CPNE4: variants seen among roughly 807,000 people sequenced by gnomAD.
The protein encoded by CPNE4 is copine-4.
In CPNE4, 25 loss-of-function variants were observed where a neutral mutation model predicts 67.9. That is an observed-to-expected ratio of 0.37 (90% CI 0.27 to 0.51). The LOEUF (loss-of-function observed/expected upper bound fraction) is 0.51. Among genes scored for constraint, CPNE4 ranks in the 20% least tolerant of loss-of-function variants. The probability of loss-of-function intolerance (pLI) is 0.93; values close to 1 mark genes in which losing one functional copy is unlikely to be tolerated. For synonymous variants in CPNE4, 242 were observed against 244.9 expected, an observed-to-expected ratio of 0.99 and a Z score of 0.11; for missense variants, 464 against 690.8, an observed-to-expected ratio of 0.67 and a Z score of 3.68.
intron 6 of CPNE4, among the ~76,000 whole-genome samples, chr3:131,685,600 G>C (rs143084303): frequency 0.027 from 4,107 of 152,186 alleles, 82 homozygotes; most frequent in Middle Eastern, 0.041. Flanking sequence ...TGGCCAAGAT[G>C]GTGAAACCCC....
At chr3:131,940,652 A>G (rs992765194) in intron 1 of CPNE4, among the ~76,000 whole-genome samples, 2 of 152,090 alleles carry the variant, frequency 1.3e-5, no homozygotes, top group Non-Finnish European at 2.9e-5. Context: ...TGAATAAAGT[A>G]ACAGATTTGA....
chr3:131,806,567 A>AG (rs1476844602), intron 2 of CPNE4, among the ~76,000 whole-genome samples: 3 of 152,028 alleles, frequency 2.0e-5, no homozygotes, highest in Non-Finnish European at 2.9e-5. Context: ...AAAAAAAAAA[A>AG]AAGAAATAGG....
chr3:131,890,751 A>G (rs1237639218), intron 2 of CPNE4, among the ~76,000 whole-genome samples: 1 of 152,168 alleles, frequency 6.6e-6, no homozygotes, highest in Non-Finnish European at 1.5e-5. Flanking sequence ...ATACAATGAA[A>G]TATTACCTAG....
At chr3:131,989,522 C>T (rs1286767757) in intron 1 of CPNE4, among the ~76,000 whole-genome samples, 5 of 147,592 alleles carry the variant, frequency 3.4e-5, no homozygotes, top group African/African-American at 1.2e-4. Context: ...AACCAAGAGT[C>T]CTACCCTCAT....
intron 2 of CPNE4, among the ~76,000 whole-genome samples, chr3:131,772,272 T>C (rs1184813584): frequency 6.6e-6 from 1 of 152,128 alleles, no homozygotes; most frequent in Non-Finnish European, 1.5e-5. Context: ...ATAGCAGATG[T>C]TGAAAAAAAT....
intron 2 of CPNE4, among the ~76,000 whole-genome samples, chr3:131,856,723 A>G (rs776667793): frequency 2.0e-5 from 3 of 152,026 alleles, no homozygotes; most frequent in Admixed American, 6.6e-5. Flanking sequence ...AAAAATTATT[A>G]ATATTTATTG....
chr3:131,714,671 G>A (rs1331390916), intron 3 of CPNE4, among the ~76,000 whole-genome samples: 1 of 152,144 alleles, frequency 6.6e-6, no homozygotes, highest in Non-Finnish European at 1.5e-5. Flanking sequence ...CATCACCTGG[G>A]AACTTAGAAA....
rs1366246304 is a variant in CPNE4, at chr3:131,708,995, T to TATATATAC, written c.361-9016_361-9015insGTATATAT. 3.3e-3 allele frequency among the ~76,000 whole-genome samples: 363 copies of TATATATAC among 109,030 alleles called. 7 individuals carry two copies. Among genetic ancestry groups the TATATATAC allele is most frequent in the East Asian group, 0.016 (61 of 3,746 alleles). 71.5% of individuals were successfully genotyped at this position (109,030 alleles called of 152,430 possible). On this transcript the variant is annotated intron_variant, in intron 3 of 15. Transcript: ENST00000429747. ...ATATATATATATATATATATATATA[T>TATATATAC]ACATACACACATAATAATATAATAC...
intron 2 of CPNE4, among the ~76,000 whole-genome samples, chr3:131,757,800 A>C (rs2082787583): frequency 6.6e-6 from 1 of 152,108 alleles, no homozygotes. Context: ...TGTGCAGCCT[A>C]GGGAATTGGT....
chr3:131,947,584 G>T (rs1018297883), intron 1 of CPNE4, among the ~76,000 whole-genome samples: 1 of 152,168 alleles, frequency 6.6e-6, no homozygotes, highest in South Asian at 2.1e-4. Flanking sequence ...TTTTATGGCT[G>T]CATAGTATTC....
chr3:131,996,963 T>C (rs1469161629), intron 1 of CPNE4, among the ~76,000 whole-genome samples: 2 of 152,032 alleles, frequency 1.3e-5, no homozygotes, highest in East Asian at 3.9e-4. Context: ...TGGACAACAC[T>C]GAGAACTCTT....
chr3:132,022,159 T>C (rs1010293531), intron 1 of CPNE4, among the ~76,000 whole-genome samples: 4 of 152,210 alleles, frequency 2.6e-5, no homozygotes, highest in Non-Finnish European at 4.4e-5. Context: ...AAGGCAGGTC[T>C]GGTCTTCCCT....
At position 131,696,517 on chromosome 3, in the gene CPNE4, A is replaced by G. The variant is rs771316147; in HGVS notation, c.507+25T>C. On this transcript the variant is annotated intron_variant, in intron 5 of 15. Coordinates refer to ENST00000429747, the MANE Select transcript of CPNE4 (RefSeq NM_130808.3). The stretch of plus-strand genomic sequence containing the variant: ...TGTGCTAGCTTTGTTACTTCCTTCA[A>G]TAAGGTTAATGCCAAACGCTTTACC... 27 of 1,607,112 alleles carry G rather than the reference A, an allele frequency of 1.7e-5. No homozygotes were observed. In the East Asian group the frequency reaches 2.9e-4, roughly 17 times the overall value.
At chr3:131,801,448 G>GTATATA (rs1468625662) in intron 2 of CPNE4, among the ~76,000 whole-genome samples, 17 of 59,816 alleles carry the variant, frequency 2.8e-4, no homozygotes, top group African/African-American at 1.2e-3. Context: ...GTGTGTGTGT[G>GTATATA]TGTGTATATA....
At chr3:131,713,081 A>T (rs1583063459) in intron 3 of CPNE4, among the ~76,000 whole-genome samples, 2 of 151,448 alleles carry the variant, frequency 1.3e-5, no homozygotes, top group South Asian at 4.2e-4. Flanking sequence ...GGTGCCCTGC[A>T]CCAGCCTGGC....
chr3:131,584,188 C>T (rs760977458), intron 8 of CPNE4, among the ~76,000 whole-genome samples: 1 of 152,080 alleles, frequency 6.6e-6, no homozygotes, highest in Non-Finnish European at 1.5e-5. Context: ...GGGTTCGAGC[C>T]TCCTGTACCT....
chr3:132,036,759 G>T (rs926750267), upstream of CPNE4, among the ~76,000 whole-genome samples: 3 of 152,118 alleles, frequency 2.0e-5, no homozygotes, highest in Non-Finnish European at 2.9e-5. Flanking sequence ...GCCTAGAAAG[G>T]TGTCTACCAC....
intron 7 of CPNE4, among the ~76,000 whole-genome samples, chr3:131,617,272 G>T (rs1487793047): frequency 6.6e-6 from 1 of 152,182 alleles, no homozygotes; most frequent in Non-Finnish European, 1.5e-5. Context: ...TGGTAGTATT[G>T]CTTTTAAAGC....
intron 2 of CPNE4, among the ~76,000 whole-genome samples, chr3:131,816,531 TAGA>T (rs1047386197): frequency 2.6e-5 from 4 of 152,182 alleles, no homozygotes; most frequent in African/African-American, 9.7e-5. Context: ...TTTTCTGAGT[TAGA>T]TTCGAATCCC....
Sources: gnomAD v4.1 joint callset for allele counts (sites outside exome capture counted in the v4.1 genomes callset) on GRCh38, gnomAD v4.1.1 for gene constraint, MANE v1.5 for transcripts, NCBI Gene and HGNC (gene_info 2026-07-23, HGNC 2026-07-21) for gene names.